CSMD1: variants seen among roughly 807,000 people sequenced by gnomAD.
CSMD1 encodes the protein CUB and Sushi multiple domains 1, also known as CUB and sushi domain-containing protein 1.
Under a neutral mutation model 417.5 loss-of-function variants are expected in CSMD1, and 213 were observed. The observed-to-expected ratio is 0.51, with a 90% confidence interval of 0.46 to 0.57. CSMD1 has a LOEUF of 0.57. Among genes scored for constraint, CSMD1 ranks in the 20% least tolerant of loss-of-function variants. CSMD1 has a pLI of 0.00. For missense variants in CSMD1, 6,923 were observed against 4,529.7 expected (o/e 1.53, Z -15.17); for synonymous variants, 2,862 against 1,736.8 (o/e 1.65, Z -16.11).
At chr8:2,968,473 T>C (rs1804162604) in intron 57 of CSMD1, among the ~76,000 whole-genome samples, 1 of 152,210 alleles carries the variant, frequency 6.6e-6, no homozygotes, top group African/African-American at 2.4e-5. Flanking sequence ...AACTAAAATG[T>C]TAGTTTGCTA....
At chr8:3,748,059 G>C (rs7843194) in intron 6 of CSMD1, among the ~76,000 whole-genome samples, 8,938 of 152,152 alleles carry the variant, frequency 0.059, 329 homozygotes, top group Middle Eastern at 0.099. Flanking sequence ...CTGGCTAATC[G>C]TAAGTACTTA....
At chr8:3,740,625 G>A (rs766123057) in intron 6 of CSMD1, among the ~76,000 whole-genome samples, 1 of 152,106 alleles carries the variant, frequency 6.6e-6, no homozygotes, top group African/African-American at 2.4e-5. Flanking sequence ...ATTTGATGCT[G>A]GTAAAGAGAC....
chr8:3,452,553 T>C (rs1025960265), intron 12 of CSMD1, among the ~76,000 whole-genome samples: 1 of 152,212 alleles, frequency 6.6e-6, no homozygotes, highest in African/African-American at 2.4e-5. Context: ...TCAAAGGCCT[T>C]TTCTGCATCT....
At chr8:4,275,666 T>C (rs1585140746) in intron 3 of CSMD1, among the ~76,000 whole-genome samples, 1 of 152,170 alleles carries the variant, frequency 6.6e-6, no homozygotes, top group African/African-American at 2.4e-5. Flanking sequence ...ATGCAAAAAT[T>C]GTATACGTTT....
At position 4,306,955 on chromosome 8, in the gene CSMD1, C is replaced by A. The variant is rs533128778; in HGVS notation, c.415+112998G>T. ...ATTCAGTATCTGTCGATCCTACCCCCAAGCATCTCTCAGATCGACTGTCTT... is the reference window on the plus strand; with the variant it reads ...ATTCAGTATCTGTCGATCCTACCCCAAAGCATCTCTCAGATCGACTGTCTT... On this transcript the variant is annotated intron_variant, in intron 3 of 69. Coordinates refer to ENST00000635120, the MANE Select transcript of CSMD1 (RefSeq NM_033225.6). 2.0e-5 allele frequency among the ~76,000 whole-genome samples: 3 copies of A among 152,276 alleles called. No individual in the cohort carries two copies. In the South Asian group the frequency reaches 6.2e-4, roughly 32 times the overall value.
chr8:4,175,463 A>C (rs1247539458), intron 3 of CSMD1, among the ~76,000 whole-genome samples: 1 of 152,200 alleles, frequency 6.6e-6, no homozygotes, highest in Non-Finnish European at 1.5e-5. Flanking sequence ...ATGATAGCAA[A>C]AGCATCCAAA....
chr8:4,696,305 T>G (rs1337621058), intron 1 of CSMD1, among the ~76,000 whole-genome samples: 2 of 152,232 alleles, frequency 1.3e-5, no homozygotes, highest in African/African-American at 4.8e-5. Context: ...ATTGGGATAT[T>G]TGGTAGCAAT....
At chr8:4,263,033 ATGTT>A (rs1384766986) in intron 3 of CSMD1, among the ~76,000 whole-genome samples, 2 of 152,208 alleles carry the variant, frequency 1.3e-5, no homozygotes, top group African/African-American at 2.4e-5. Flanking sequence ...AGTCTAATGA[ATGTT>A]AGAACAGAAT....
At chr8:4,016,092 C>A (rs936482480) in intron 4 of CSMD1, among the ~76,000 whole-genome samples, 1 of 152,022 alleles carries the variant, frequency 6.6e-6, no homozygotes. Flanking sequence ...TTAATATTTA[C>A]CAGGAAATTT....
intron 4 of CSMD1, among the ~76,000 whole-genome samples, chr8:4,015,942 G>A (rs991570448): frequency 6.6e-6 from 1 of 152,120 alleles, no homozygotes; most frequent in African/African-American, 2.4e-5. Context: ...CTCTTCAACT[G>A]CCCCCAAGAA....
chr8:4,595,414 C>T (rs1241891812), intron 2 of CSMD1, among the ~76,000 whole-genome samples: 1 of 64,994 alleles, frequency 1.5e-5, no homozygotes, highest in Non-Finnish European at 4.6e-5. Flanking sequence ...TAATGCTATA[C>T]ATTGTCAATA....
At chr8:3,865,792 G>C (rs1411547326) in intron 5 of CSMD1, among the ~76,000 whole-genome samples, 1 of 152,092 alleles carries the variant, frequency 6.6e-6, no homozygotes, top group South Asian at 2.1e-4. Context: ...TCTAAAATAA[G>C]TGCCTCTTTT....
chr8:4,881,486 C>A (rs999267132), intron 1 of CSMD1, among the ~76,000 whole-genome samples: 1 of 150,206 alleles, frequency 6.7e-6, no homozygotes, highest in African/African-American at 2.5e-5. Context: ...ATGCAATAAA[C>A]CCTTGCCTAT....
chr8:3,967,207 T>C (rs922538661), intron 5 of CSMD1, among the ~76,000 whole-genome samples: 1 of 152,216 alleles, frequency 6.6e-6, no homozygotes, highest in East Asian at 1.9e-4. Flanking sequence ...TCTACTGCTT[T>C]GCTCTTCCCC....
intron 2 of CSMD1, among the ~76,000 whole-genome samples, chr8:4,553,477 T>C (rs545765850): frequency 1.2e-4 from 18 of 151,762 alleles, no homozygotes; most frequent in Non-Finnish European, 2.6e-4. Flanking sequence ...AAGCAAACCA[T>C]TTTATTCAAA....
At chr8:4,346,898 G>A (rs943880957) in intron 3 of CSMD1, among the ~76,000 whole-genome samples, 2 of 151,614 alleles carry the variant, frequency 1.3e-5, no homozygotes, top group African/African-American at 2.4e-5. Context: ...TGTAAAACCT[G>A]GCTGGACCTC....
At chr8:4,804,009 A>G (rs1470038681) in intron 1 of CSMD1, among the ~76,000 whole-genome samples, 1 of 152,200 alleles carries the variant, frequency 6.6e-6, no homozygotes, top group African/African-American at 2.4e-5. Flanking sequence ...CTCTACTCAC[A>G]TATTGGAAAG....
At chr8:4,308,859 T>C (rs1454372260) in intron 3 of CSMD1, among the ~76,000 whole-genome samples, 1 of 152,194 alleles carries the variant, frequency 6.6e-6, no homozygotes, top group Non-Finnish European at 1.5e-5. Context: ...CAAAGGCATG[T>C]AATGATTATA....
At chr8:4,337,523 G>T (rs144395414) in intron 3 of CSMD1, among the ~76,000 whole-genome samples, 1 of 152,076 alleles carries the variant, frequency 6.6e-6, no homozygotes, top group East Asian at 1.9e-4. Flanking sequence ...TACTCAGATC[G>T]TAACATTATT....
Sources: allele counts gnomAD v4.1 joint callset (sites outside exome capture counted in the v4.1 genomes callset), GRCh38; gene constraint gnomAD v4.1.1; transcripts MANE v1.5; gene names NCBI Gene and HGNC (gene_info 2026-07-23, HGNC 2026-07-21).